FMNL3: variants seen among roughly 807,000 people sequenced by gnomAD.
FMNL3 encodes formin like 3, also known as formin-like protein 3.
In FMNL3, 57 loss-of-function variants were observed where a neutral mutation model predicts 119.6. The ratio of observed to expected loss-of-function variants is 0.48; its 90% confidence interval spans 0.39 to 0.59. FMNL3 has a LOEUF of 0.59. Among genes scored for constraint, FMNL3 ranks in the 20% least tolerant of loss-of-function variants. FMNL3 has a pLI of 0.00. For missense variants in FMNL3, 1,053 were observed against 1,323.5 expected, an observed-to-expected ratio of 0.80 and a Z score of 3.17; for synonymous variants, 491 against 507.3, an observed-to-expected ratio of 0.97 and a Z score of 0.43.
At position 49,643,862 on chromosome 12, in the gene FMNL3, A is replaced by G; in HGVS notation, c.*1953T>C. ...GAGGTGGGCTCTGGACTCTTACAGA[A>G]TAGTCCTGAGAGTGAGACAGACCCT... is the stretch of plus-strand genomic sequence containing the variant. On this transcript the variant is annotated 3_prime_UTR_variant, in exon 26 of 26. Transcript: ENST00000335154. 1 of 1,614,198 alleles carries G rather than the reference A, an allele frequency of 6.2e-7. No homozygotes were observed. The highest frequency in any genetic ancestry group is 8.5e-7 in the Non-Finnish European group (1 of 1,180,030).
At chr12:49,693,750 G>A (rs1243952367) in intron 1 of FMNL3, among the ~76,000 whole-genome samples, 1 of 141,818 alleles carries the variant, frequency 7.1e-6, no homozygotes, top group African/African-American at 2.6e-5. Context: ...CTGGGTTCAA[G>A]CAATTCTCCT....
In FMNL3 at chr12:49,642,346, C is replaced by G. The variant is rs201779508; in HGVS notation, c.*3469G>C. On this transcript the variant is annotated 3_prime_UTR_variant, in exon 26 of 26. Coordinates refer to ENST00000335154, the MANE Select transcript of FMNL3 (RefSeq NM_175736.5). This position sits in a 1 kb window ranked among gnomAD's most constrained non-coding sequence, Gnocchi z 5.8. ...CATGCTGAGGCAGGCTGTGCCTGCTCTGGAGCTAGGCACTGCCTGGGAAGA... is the reference window on the plus strand; with the variant it reads ...CATGCTGAGGCAGGCTGTGCCTGCTGTGGAGCTAGGCACTGCCTGGGAAGA... 3 of 1,613,960 alleles carry G rather than the reference C, an allele frequency of 1.9e-6. No individual in the cohort carries two copies. Among genetic ancestry groups the G allele is most frequent in the East Asian group, 4.5e-5 (2 of 44,868 alleles).
chr12:49,688,212 C>T (rs1469268893), intron 1 of FMNL3, among the ~76,000 whole-genome samples: 1 of 152,202 alleles, frequency 6.6e-6, no homozygotes, highest in Non-Finnish European at 1.5e-5. Context: ...GAGCACCAGT[C>T]AAACCTGAAA....
chr12:49,684,723 C>T (rs1394741606), intron 1 of FMNL3, among the ~76,000 whole-genome samples: 1 of 152,126 alleles, frequency 6.6e-6, no homozygotes, highest in Non-Finnish European at 1.5e-5. Flanking sequence ...GCTATTGGAC[C>T]ATCAATCTGG....
In FMNL3 at chr12:49,649,418, C is replaced by T; in HGVS notation, c.2304+52G>A. On this transcript the variant is annotated intron_variant, in intron 19 of 25. Transcript: ENST00000335154. The surrounding 1 kb of genome is among the most constrained non-coding windows in gnomAD (Gnocchi z 5.6). ...CTTCCTCTCTGTATAGCCCCAGGCCCCCACCTAGGACCTGAAAACCCCCAG... is the reference window on the plus strand; with the variant it reads ...CTTCCTCTCTGTATAGCCCCAGGCCTCCACCTAGGACCTGAAAACCCCCAG... 2 of 1,613,458 alleles carry T rather than the reference C, an allele frequency of 1.2e-6. No individual in the cohort carries two copies. The highest frequency in any genetic ancestry group is 1.7e-6 in the Non-Finnish European group (2 of 1,179,546).
In FMNL3 at chr12:49,648,350, G is replaced by C. The variant is rs775570303; in HGVS notation, c.2519C>G (p.Ser840Cys). Reference sequence around the variant, plus strand: ...CACGTCCAGCAGCACGTTCTCCAGGGACACTGGTCACCAAAAGCCTGGCTG... The same window carrying C: ...CACGTCCAGCAGCACGTTCTCCAGGCACACTGGTCACCAAAAGCCTGGCTG... ...LHFVEKAAAV[S>C]LENVLLDVKE... Residue 840 changes from serine to cysteine, a missense_variant, in exon 22 of 26, where the codon TCC becomes TGC. By Grantham distance (112) the Ser-to-Cys change is moderately radical. Transcript: ENST00000335154. 8.7e-6 allele frequency: 14 copies of C among 1,610,438 alleles called. No homozygotes were observed. The highest frequency in any genetic ancestry group is 1.7e-5 in the Admixed American group (1 of 59,680).
chr12:49,650,361 G>A (rs891578992), intron 17 of FMNL3, among the ~76,000 whole-genome samples: 1 of 152,148 alleles, frequency 6.6e-6, no homozygotes, highest in African/African-American at 2.4e-5. Flanking sequence ...CTCTGGGAAG[G>A]CTTCCCTCAT....
chr12:49,698,232 G>C (rs368281594), intron 1 of FMNL3, among the ~76,000 whole-genome samples: 3 of 152,064 alleles, frequency 2.0e-5, no homozygotes, highest in Admixed American at 1.3e-4. Context: ...GGGACCCAGA[G>C]GTAAGATCAC....
intron 9 of FMNL3, among the ~76,000 whole-genome samples, chr12:49,656,172 A>C (rs971427335): frequency 1.3e-5 from 2 of 152,132 alleles, no homozygotes; most frequent in African/African-American, 4.8e-5. Flanking sequence ...TATAGCCCTC[A>C]GCTAGCTGAG....
At position 49,649,019 on chromosome 12, in the gene FMNL3, C is replaced by A; in HGVS notation, c.2515+10G>T. On this transcript the variant is annotated intron_variant, in intron 21 of 25. Transcript: ENST00000335154. The surrounding 1 kb of genome is among the most constrained non-coding windows in gnomAD (Gnocchi z 5.6). Reference sequence around the variant, plus strand: ...GTGAGGGCAGGCCCACCCAGCCAGGCTCTCCTCACCTGCTGCAGCCTTCTC... The same window carrying A: ...GTGAGGGCAGGCCCACCCAGCCAGGATCTCCTCACCTGCTGCAGCCTTCTC... The A allele has an allele frequency of 6.3e-7, 1 of 1,576,984 alleles. No homozygotes were observed. Among genetic ancestry groups the A allele is most frequent in the Non-Finnish European group, 8.6e-7 (1 of 1,161,868 alleles).
In FMNL3 at chr12:49,647,133, C is replaced by A. The variant is rs1943227695; in HGVS notation, c.2872-124G>T. Reference sequence around the variant, plus strand: ...ACTGCTAGGAATCCCCAAAGGCCCTCCCTCCATCCCTCTGGATGCCAGCCC... The same window carrying A: ...ACTGCTAGGAATCCCCAAAGGCCCTACCTCCATCCCTCTGGATGCCAGCCC... On this transcript the variant is annotated intron_variant, in intron 24 of 25. Coordinates refer to ENST00000335154, the MANE Select transcript of FMNL3 (RefSeq NM_175736.5). This position sits in a 1 kb window ranked among gnomAD's most constrained non-coding sequence, Gnocchi z 4.9. 6.4e-7 allele frequency: 1 copy of A among 1,556,908 alleles called. No individual in the cohort carries two copies. The highest frequency in any genetic ancestry group is 8.8e-7 in the Non-Finnish European group (1 of 1,140,702).
At chr12:49,646,847 G>A (rs1943213467) in intron 25 of FMNL3, 39 bp downstream of exon 25, 1 of 1,611,248 alleles carries the variant, frequency 6.2e-7, no homozygotes. Context: ...TGGGAGCTGG[G>A]TGCAATGGCC....
At chr12:49,701,123 G>A (rs1328811805) in intron 1 of FMNL3, among the ~76,000 whole-genome samples, 1 of 147,284 alleles carries the variant, frequency 6.8e-6, no homozygotes, top group African/African-American at 2.5e-5. Context: ...TAATATATAA[G>A]CAAATGAGAA....
At chr12:49,687,060 T>A (rs529326509) in intron 1 of FMNL3, among the ~76,000 whole-genome samples, 5 of 152,096 alleles carry the variant, frequency 3.3e-5, no homozygotes, top group East Asian at 1.9e-4. Flanking sequence ...AACTGCCTGA[T>A]AATCTTATCA....
At chr12:49,693,006 A>T (rs1306515908) in intron 1 of FMNL3, among the ~76,000 whole-genome samples, 1 of 152,234 alleles carries the variant, frequency 6.6e-6, no homozygotes, top group Non-Finnish European at 1.5e-5. Flanking sequence ...AAGAGGGCTA[A>T]TGTGGAACTT....
At chr12:49,684,016 C>T (rs1944398785) in intron 1 of FMNL3, among the ~76,000 whole-genome samples, 1 of 152,222 alleles carries the variant, frequency 6.6e-6, no homozygotes, top group African/African-American at 2.4e-5. Flanking sequence ...CTCTACTGTG[C>T]TCTCCCGATG....
In FMNL3 at chr12:49,636,699, C is replaced by G. The variant is rs1262132291; in HGVS notation, c.*9116G>C. 6.2e-7 allele frequency: 1 copy of G among 1,613,612 alleles called. No homozygotes were observed. Among genetic ancestry groups the G allele is most frequent in the African/African-American group, 1.3e-5 (1 of 74,932 alleles). ...CCTGCTGGGACAATGCCCGCGGAACCTCCTGCCTGTCTTTAGACATGGACA... is the reference window on the plus strand; with the variant it reads ...CCTGCTGGGACAATGCCCGCGGAACGTCCTGCCTGTCTTTAGACATGGACA... On this transcript the variant is annotated 3_prime_UTR_variant, in exon 26 of 26. Transcript: ENST00000335154.
chr12:49,696,823 A>G (rs893592906), intron 1 of FMNL3, among the ~76,000 whole-genome samples: 1 of 152,230 alleles, frequency 6.6e-6, no homozygotes, highest in Non-Finnish European at 1.5e-5. Context: ...TAACAGCAGC[A>G]TTATTTTATC....
chr12:49,679,477 A>C (rs1405668752), intron 1 of FMNL3, among the ~76,000 whole-genome samples: 1 of 142,530 alleles, frequency 7.0e-6, no homozygotes, highest in East Asian at 2.1e-4. Flanking sequence ...CTAACCTCCC[A>C]TTAGCACTCA....
Sources: gnomAD v4.1 joint callset for allele counts (sites outside exome capture counted in the v4.1 genomes callset) on GRCh38, gnomAD v4.1.1 for gene constraint, Gnocchi (gnomAD v3.1) non-coding constraint, MANE v1.5 for transcripts, NCBI Gene and HGNC (gene_info 2026-07-23, HGNC 2026-07-21) for gene names.